ANKIB1: variants seen among roughly 807,000 people sequenced by gnomAD.
ANKIB1 encodes ankyrin repeat and IBR domain-containing protein 1.
ANKIB1 carries 43 observed loss-of-function variants against 122.1 expected under a neutral mutation model. The ratio of observed to expected loss-of-function variants is 0.35; its 90% CI spans 0.28 to 0.45. The LOEUF is 0.45. ANKIB1 is among the 20% of genes least tolerant of loss of function. The pLI is 1.00. For synonymous variants in ANKIB1, 390 were observed against 442.0 expected (o/e 0.88, Z 1.48); for missense variants, 992 against 1,329.5 (o/e 0.75, Z 3.95).
chr7:92,341,521 G>C (rs539909727), intron 5 of ANKIB1, among the ~76,000 whole-genome samples: 1 of 151,766 alleles, frequency 6.6e-6, no homozygotes, highest in African/African-American at 2.4e-5. Flanking sequence ...AAACAAAGTA[G>C]GGGGATATTT....
At chr7:92,377,945 A>T (rs1469216857) in intron 11 of ANKIB1, among the ~76,000 whole-genome samples, 1 of 141,942 alleles carries the variant, frequency 7.0e-6, no homozygotes, top group South Asian at 2.2e-4. Context: ...CTTGAGAGTT[A>T]AAAAAAAAAA....
At chr7:92,247,999 C>T (rs1044556801) in intron 1 of ANKIB1, among the ~76,000 whole-genome samples, 1 of 152,176 alleles carries the variant, frequency 6.6e-6, no homozygotes, top group African/African-American at 2.4e-5. Flanking sequence ...CCAACTCTGT[C>T]TCTGGAAATG....
intron 7 of ANKIB1, among the ~76,000 whole-genome samples, chr7:92,345,849 A>G (rs1803528027): frequency 6.7e-6 from 1 of 149,724 alleles, no homozygotes; most frequent in Non-Finnish European, 1.5e-5. Flanking sequence ...GAGCTAGAGA[A>G]TACTATGTGG....
rs1299850415 is a variant in ANKIB1, at chr7:92,371,553, C to T, written c.1563C>T (p.Asn521=). The change falls in exon 11 of 20, where the codon AAC becomes AAT. Residue 521 remains asparagine, a synonymous_variant. Coordinates refer to ENST00000265742, the MANE Select transcript of ANKIB1 (RefSeq NM_019004.2). ...WLLTNSKPCA[N]CKSPIQKNEG... is the part of the protein sequence containing the mutation. ...TAACTAACTCCAAGCCTTGTGCCAA[C>T]TGTAAGTCTCCAATACAGAAGAATG... The T allele has an allele frequency of 6.2e-7, 1 of 1,605,338 alleles. No individual in the cohort carries two copies. Among genetic ancestry groups the T allele is most frequent in the African/African-American group, 1.3e-5 (1 of 74,830 alleles).
chr7:92,278,108 A>G (rs1303021224), intron 1 of ANKIB1, among the ~76,000 whole-genome samples: 4 of 151,220 alleles, frequency 2.6e-5, no homozygotes, highest in Non-Finnish European at 1.5e-5. Context: ...AAAGTTACCC[A>G]GGCATGATGA....
intron 17 of ANKIB1, among the ~76,000 whole-genome samples, chr7:92,392,579 A>G (rs1804807198): frequency 6.6e-6 from 1 of 152,120 alleles, no homozygotes; most frequent in African/African-American, 2.4e-5. Flanking sequence ...ATTTGTTAAT[A>G]GAGAGAATTT....
At chr7:92,300,497 C>A (rs1802438147) in intron 2 of ANKIB1, among the ~76,000 whole-genome samples, 1 of 151,898 alleles carries the variant, frequency 6.6e-6, no homozygotes, top group Non-Finnish European at 1.5e-5. Context: ...ATCATATATT[C>A]TTTTGTCTTT....
intron 1 of ANKIB1, among the ~76,000 whole-genome samples, chr7:92,288,964 T>C (rs1454628866): frequency 1.3e-5 from 2 of 152,246 alleles, no homozygotes; most frequent in African/African-American, 2.4e-5. Context: ...TGGTTTCTTA[T>C]AAAGTTAAAC....
At chr7:92,337,623 A>T (rs1302903293) in intron 5 of ANKIB1, among the ~76,000 whole-genome samples, 1 of 152,130 alleles carries the variant, frequency 6.6e-6, no homozygotes, top group African/African-American at 2.4e-5. Flanking sequence ...TAATACAGTA[A>T]ATGCTGTCTT....
At chr7:92,375,802 G>A (rs1804366734) in intron 11 of ANKIB1, among the ~76,000 whole-genome samples, 1 of 152,148 alleles carries the variant, frequency 6.6e-6, no homozygotes, top group Non-Finnish European at 1.5e-5. Context: ...ATCTGTCAGA[G>A]GAATCACTAT....
intron 1 of ANKIB1, among the ~76,000 whole-genome samples, chr7:92,294,303 G>T (rs549029715): frequency 6.6e-6 from 1 of 152,214 alleles, no homozygotes; most frequent in African/African-American, 2.4e-5. Flanking sequence ...TCACTGTATT[G>T]TTCTGTGTAT....
chr7:92,280,223 A>G (rs1313805308), intron 1 of ANKIB1, among the ~76,000 whole-genome samples: 1 of 152,254 alleles, frequency 6.6e-6, no homozygotes, highest in Non-Finnish European at 1.5e-5. Flanking sequence ...CATCACTTTC[A>G]TCATACATCC....
At chr7:92,386,686 C>T in intron 12 of ANKIB1, 43 bp downstream of exon 12, 2 of 1,454,114 alleles carry the variant, frequency 1.4e-6, no homozygotes, top group South Asian at 1.6e-5. Flanking sequence ...CTAAACCGCT[C>T]ACTGCCACTG....
rs779989676 is a variant in ANKIB1, at chr7:92,339,014, CAAG to C, written c.788-4007_788-4005del. On this transcript the variant is annotated intron_variant, in intron 5 of 19. Coordinates refer to ENST00000265742, the MANE Select transcript of ANKIB1 (RefSeq NM_019004.2). ...TTTTCTTTATGCTTATGCAAGGACA[CAAG>C]AATTAATTTCTACTTGAATTTTCTT... is the stretch of plus-strand genomic sequence containing the variant. Among the ~76,000 whole-genome samples the C allele has an allele frequency of 5.7e-5, 7 of 123,862 alleles. No homozygotes were observed. In the East Asian group the frequency reaches 1.7e-3, roughly 30 times the overall value. The allele number at this position is 123,862 out of a possible 152,430, so 81.3% of individuals were successfully genotyped here. A position where few individuals can be genotyped will look rare whatever the true frequency, so the allele number is the denominator to read the frequency against.
intron 11 of ANKIB1, among the ~76,000 whole-genome samples, chr7:92,384,031 T>C (rs537061836): frequency 1.3e-5 from 2 of 152,332 alleles, no homozygotes; most frequent in East Asian, 3.9e-4. Flanking sequence ...GATAGGCAAC[T>C]TCAGCAAAGT....
rs57536267 is a variant in ANKIB1 at position 92,309,940 on chromosome 7, A to ATATAT, written c.486+2284_486+2285insTATAT. On this transcript the variant is annotated intron_variant, in intron 3 of 19. Coordinates refer to ENST00000265742, the MANE Select transcript of ANKIB1 (RefSeq NM_019004.2). The stretch of plus-strand genomic sequence containing the variant: ...ACTCCATCTAAAAAAAAAAAAAAAA[A>ATATAT]AAATATATATATATATATATATAAA... Among the ~76,000 whole-genome samples, 26 of 105,296 alleles carry ATATAT rather than the reference A, an allele frequency of 2.5e-4. No individual in the cohort carries two copies. The South Asian group carries it at 5.6e-3, about 23-fold the overall frequency. 69.1% of individuals were successfully genotyped at this position (105,296 alleles called of 152,430 possible). A position where few individuals can be genotyped will look rare whatever the true frequency, so the allele number is the denominator to read the frequency against.
intron 1 of ANKIB1, among the ~76,000 whole-genome samples, chr7:92,284,192 A>T (rs1177176211): frequency 6.6e-6 from 1 of 152,184 alleles, no homozygotes; most frequent in Admixed American, 6.5e-5. Context: ...TTTTTTGTTT[A>T]TAACAACGCA....
At chr7:92,323,165 A>G (rs575420134) in intron 4 of ANKIB1, among the ~76,000 whole-genome samples, 54 of 152,296 alleles carry the variant, frequency 3.5e-4, no homozygotes, top group Non-Finnish European at 6.2e-4. Context: ...GATGGGCCAT[A>G]AGATTTTAAA....
chr7:92,359,176 C>T (rs191203366), intron 9 of ANKIB1, among the ~76,000 whole-genome samples: 1 of 152,132 alleles, frequency 6.6e-6, no homozygotes, highest in African/African-American at 2.4e-5. Flanking sequence ...CACCTATCAA[C>T]CTGTCACCTA....
Sources: gnomAD v4.1 joint callset for allele counts (sites outside exome capture counted in the v4.1 genomes callset) on GRCh38, gnomAD v4.1.1 for gene constraint, MANE v1.5 for transcripts, NCBI Gene and HGNC (gene_info 2026-07-23, HGNC 2026-07-21) for gene names.